Variants in USP12 observed in about 807,000 individuals in gnomAD.
USP12 encodes ubiquitin specific peptidase 12.
Under a neutral mutation model 45.5 loss-of-function variants are expected in USP12, and 19 were observed. The observed-to-expected ratio is 0.42, with a 90% CI of 0.29 to 0.61. USP12 has a LOEUF of 0.61. USP12 is among the 20% of genes least tolerant of loss of function. USP12 has a pLI of 0.22. For missense variants in USP12, 242 were observed against 447.7 expected (o/e 0.54, Z 4.15); for synonymous variants, 149 against 148.8 (o/e 1.00, Z -0.01).
At chr13:27,150,964 A>T (rs1877539385) in intron 1 of USP12, among the ~76,000 whole-genome samples, 2 of 152,164 alleles carry the variant, frequency 1.3e-5, no homozygotes, top group South Asian at 4.2e-4. Context: ...TAAACACTGG[A>T]TTTGGCAAAG....
Position 27,117,735 on chromosome 13 carries a change from A to G in USP12, c.49-1139T>C, listed in dbSNP as rs753411960. On this transcript the variant is annotated intron_variant, in intron 1 of 8. Coordinates refer to ENST00000282344, the MANE Select transcript of USP12 (RefSeq NM_182488.4). ...CATGGAATTGGGAATGGGGCAAAGG[A>G]GAAAAAACAAAATTCAAGAAACAAG... 5.8e-6 allele frequency: 3 copies of G among 518,486 alleles called. No individual in the cohort carries two copies. In the Admixed American group the frequency reaches 5.8e-5, roughly 10 times the overall value. 32.1% of individuals were successfully genotyped at this position (518,486 alleles called of 1,614,324 possible).
intron 1 of USP12, among the ~76,000 whole-genome samples, chr13:27,154,290 A>G (rs1391610139): frequency 6.6e-6 from 1 of 151,444 alleles, no homozygotes; most frequent in Non-Finnish European, 1.5e-5. Flanking sequence ...GCAAGGGCAT[A>G]TAGCATAGGT....
chr13:27,160,791 T>TC (rs1342360923), intron 1 of USP12, among the ~76,000 whole-genome samples: 1 of 151,952 alleles, frequency 6.6e-6, no homozygotes, highest in East Asian at 1.9e-4. Context: ...CTTTTTTTTT[T>TC]TTTTCCCCCT....
chr13:27,086,197 A>AT (rs869248837), intron 6 of USP12, among the ~76,000 whole-genome samples: 75 of 56,904 alleles, frequency 1.3e-3, no homozygotes, highest in African/African-American at 4.5e-3. Flanking sequence ...AAAAAAAAAA[A>AT]ATATATATAT....
At chr13:27,141,623 A>G (rs1203059103) in intron 1 of USP12, among the ~76,000 whole-genome samples, 1 of 152,196 alleles carries the variant, frequency 6.6e-6, no homozygotes, top group African/African-American at 2.4e-5. Context: ...CAAAATCAAT[A>G]ATAATAATGA....
At chr13:27,079,886 T>C (rs1332353401) in intron 6 of USP12, among the ~76,000 whole-genome samples, 1 of 152,174 alleles carries the variant, frequency 6.6e-6, no homozygotes, top group Admixed American at 6.5e-5. Context: ...TCCATGCCCT[T>C]TTAAAATGTA....
At chr13:27,118,892 C>T (rs796384859) in intron 1 of USP12, among the ~76,000 whole-genome samples, 9 of 152,302 alleles carry the variant, frequency 5.9e-5, no homozygotes, top group African/African-American at 2.2e-4. Flanking sequence ...CCACCTGTCA[C>T]CATATGTACC....
intron 6 of USP12, among the ~76,000 whole-genome samples, chr13:27,076,986 A>C (rs1441339876): frequency 1.3e-5 from 2 of 152,216 alleles, no homozygotes; most frequent in Non-Finnish European, 2.9e-5. Flanking sequence ...TAAATGTATA[A>C]TCTCAAAAAC....
chr13:27,132,236 C>T (rs1377159094), intron 1 of USP12, among the ~76,000 whole-genome samples: 2 of 152,014 alleles, frequency 1.3e-5, no homozygotes, highest in African/African-American at 4.8e-5. Context: ...ATTCAAAAAG[C>T]AATTAACTAG....
rs535862194 is a variant in USP12, at chr13:27,066,694, T to C, written c.*2589A>G. 12 of 152,316 alleles carry C rather than the reference T, an allele frequency of 7.9e-5. No homozygotes were observed. Among genetic ancestry groups the C allele is most frequent in the African/African-American group, 2.6e-4 (11 of 41,572 alleles). The allele number at this position is 152,316 out of a possible 1,614,324, so 9.4% of individuals were successfully genotyped here. ...ATTTACTTTTAGTTACAATAATTTA[T>C]AGAAATTTTTATTCCAATATACAAA... On this transcript the variant is annotated 3_prime_UTR_variant, in exon 9 of 9. Coordinates refer to ENST00000282344, the MANE Select transcript of USP12 (RefSeq NM_182488.4).
intron 6 of USP12, among the ~76,000 whole-genome samples, chr13:27,085,401 G>A (rs1434788167): frequency 6.6e-6 from 1 of 152,004 alleles, no homozygotes; most frequent in Non-Finnish European, 1.5e-5. Flanking sequence ...GGCTGGTCTT[G>A]AACTCCTGAC....
chr13:27,144,702 CAGAA>C (rs915542509), intron 1 of USP12, among the ~76,000 whole-genome samples: 42 of 150,518 alleles, frequency 2.8e-4, no homozygotes, highest in Middle Eastern at 3.4e-3. Flanking sequence ...AAAAACAAAA[CAGAA>C]AGACCACAGA....
At chr13:27,159,829 A>G (rs1199601777) in intron 1 of USP12, among the ~76,000 whole-genome samples, 8 of 152,244 alleles carry the variant, frequency 5.3e-5, no homozygotes, top group Non-Finnish European at 1.2e-4. Context: ...TCATTAACAT[A>G]AAATGGCAAG....
At chr13:27,149,248 C>CA (rs1877459371) in intron 1 of USP12, among the ~76,000 whole-genome samples, 1 of 152,142 alleles carries the variant, frequency 6.6e-6, no homozygotes, top group African/African-American at 2.4e-5. Flanking sequence ...CTCAATCTGA[C>CA]AAAACGCATC....
chr13:27,089,495 G>A (rs1874215214), intron 6 of USP12: 1 of 163,218 alleles, frequency 6.1e-6, no homozygotes, highest in African/African-American at 2.4e-5. Context: ...CATGCTAAGA[G>A]AATGTACAAC....
rs143858321 is a variant in USP12, at chr13:27,128,841, G to C, written c.49-12245C>G. On this transcript the variant is annotated intron_variant, in intron 1 of 8. Coordinates refer to ENST00000282344, the MANE Select transcript of USP12 (RefSeq NM_182488.4). ...AACATGAACGCTTCTATTTTTCCCA[G>C]CACCTATGTTACAGTATAATAAAGT... is the stretch of plus-strand genomic sequence containing the variant. Among the ~76,000 whole-genome samples, 76 of 152,248 alleles carry C rather than the reference G, an allele frequency of 5.0e-4. No homozygotes were observed. The East Asian group carries it at 0.011, about 23-fold the overall frequency.
intron 1 of USP12, among the ~76,000 whole-genome samples, chr13:27,144,358 G>C (rs1164622969): frequency 6.6e-6 from 1 of 152,090 alleles, no homozygotes; most frequent in Non-Finnish European, 1.5e-5. Flanking sequence ...AGCCAGGCAT[G>C]GTGGTGCATA....
Position 27,109,510 on chromosome 13 carries a change from T to C in USP12, c.130-3566A>G, listed in dbSNP as rs147120994. ...TCTCTAGGACAGATGACCTAGTTTC[T>C]CCACAAATTGATGACTTGAAAAAAG... On this transcript the variant is annotated intron_variant, in intron 2 of 8. Coordinates refer to ENST00000282344, the MANE Select transcript of USP12 (RefSeq NM_182488.4). 4.7e-3 allele frequency among the ~76,000 whole-genome samples: 715 copies of C among 152,186 alleles called. 4 individuals carry two copies. Among genetic ancestry groups the C allele is most frequent in the African/African-American group, 0.014 (569 of 41,474 alleles).
intron 1 of USP12, among the ~76,000 whole-genome samples, chr13:27,121,902 T>A (rs1177002406): frequency 6.6e-6 from 1 of 151,942 alleles, no homozygotes; most frequent in Non-Finnish European, 1.5e-5. Context: ...ACACAGGATG[T>A]AAAACAAATG....
Sources: gnomAD v4.1 joint callset for allele counts (sites outside exome capture counted in the v4.1 genomes callset) on GRCh38, gnomAD v4.1.1 for gene constraint, MANE v1.5 for transcripts, NCBI Gene and HGNC (gene_info 2026-07-23, HGNC 2026-07-21) for gene names.